OBSL1: variants seen among roughly 807,000 people sequenced by gnomAD.
OBSL1 encodes the protein obscurin like cytoskeletal adaptor 1, also known as obscurin-like protein 1.
In OBSL1, 160 loss-of-function variants were observed where a neutral mutation model predicts 172.0. That is an observed-to-expected ratio of 0.93 (90% CI 0.82 to 1.06). The LOEUF is 1.06. OBSL1 is among the 50% of genes least tolerant of loss of function. The pLI, the probability that OBSL1 is intolerant of heterozygous loss-of-function variation, is 0.00. For missense variants in OBSL1, 2,681 were observed against 2,715.4 expected (o/e 0.99, Z 0.28); for synonymous variants, 1,200 against 1,196.3 (o/e 1.00, Z -0.06).
chr2:219,549,797 T>G (rs751508877), downstream of OBSL1: 1 of 1,614,020 alleles, frequency 6.2e-7, no homozygotes, highest in Admixed American at 1.7e-5. Flanking sequence ...ATGCGGACTA[T>G]GAGTATGGGT....
chr2:219,563,074 A>C (rs977844901), intron 7 of OBSL1: 3 of 499,788 alleles, frequency 6.0e-6, no homozygotes, highest in African/African-American at 5.7e-5. Context: ...ACTCTGCCCT[A>C]CCCTGCAATA....
chr2:219,552,279 T>TGG, intron 18 of OBSL1, 63 bp from the exon 19 acceptor site: 3 of 1,458,276 alleles, frequency 2.1e-6, no homozygotes, highest in Non-Finnish European at 2.8e-6. Flanking sequence ...GGGACGAAGG[T>TGG]GGGGGCCCAG....
chr2:219,551,022 G>C, intron 20 of OBSL1, 180 bp from the exon 21 acceptor site: 2 of 1,462,712 alleles, frequency 1.4e-6, no homozygotes, highest in Non-Finnish European at 1.8e-6. Flanking sequence ...TAGGGGTGGG[G>C]CACAGCGCGG....
chr2:219,567,605 C>T (rs757170911), intron 3 of OBSL1, 30 bp from the exon 4 acceptor site: 2 of 1,598,068 alleles, frequency 1.3e-6, no homozygotes, highest in South Asian at 1.1e-5. Context: ...GTGTTCCGGC[C>T]TTGCTTGGGC....
Position 219,570,243 on chromosome 2 carries a change from A to T in OBSL1, c.990T>A (p.Ser330Arg), listed in dbSNP as rs772710513. The T allele has an allele frequency of 4.4e-6, 7 of 1,579,026 alleles. No homozygotes were observed. The East Asian group carries it at 1.3e-4, about 30-fold the overall frequency. The change falls in exon 1 of 21, where the codon AGT (serine) becomes AGA (arginine). Residue 330 changes from serine (S) to arginine (R), a missense_variant. Physicochemically the swap from Ser to Arg is moderately radical, Grantham distance 110 (BLOSUM62 -1). This residue lies in a region of OBSL1 where 706 missense variants were observed against 695.8 expected (regional missense o/e 1.01). Coordinates refer to ENST00000404537, the MANE Select transcript of OBSL1 (RefSeq NM_015311.3). ...AARNSAGQTL[S>R]AVQLHVKEPR... Reference sequence around the variant, plus strand: ...TACCTTTCACGTGCAGCTGCACGGCACTGAGCGTCTGGCCCGCCGAGTTGC... The same window carrying T: ...TACCTTTCACGTGCAGCTGCACGGCTCTGAGCGTCTGGCCCGCCGAGTTGC...
rs1416576951 is a variant in OBSL1 at position 219,570,299 on chromosome 2, T to A, written c.934A>T (p.Lys312Ter). The change falls in exon 1 of 21, where the codon AAG becomes TAG. Residue 312 changes from lysine to a stop codon, truncating the protein, a stop_gained. Coordinates refer to ENST00000404537, the MANE Select transcript of OBSL1 (RefSeq NM_015311.3). LOFTEE classifies it high-confidence loss of function. ...GCGCAGACGTAGAGCCCACGATCCT[T>A]GGCCTGGCAGTAAAGCACCTTGAGC... is the stretch of plus-strand genomic sequence containing the variant. ...FVLKVLYCQAKDRGLYVCAAR... is the reference protein window; with the variant it reads ...FVLKVLYCQA 1 of 1,610,176 alleles carries A rather than the reference T, an allele frequency of 6.2e-7. No homozygotes were observed. The highest frequency in any genetic ancestry group is 8.5e-7 in the Non-Finnish European group (1 of 1,177,622).
intron 8 of OBSL1, chr2:219,561,961 C>T (rs61732789): frequency 5.0e-5 from 36 of 717,548 alleles, no homozygotes; most frequent in East Asian, 4.6e-4. Flanking sequence ...TTCAAGAGGA[C>T]GCATAACTCC....
At chr2:219,551,459 A>G in intron 20 of OBSL1, 70 bp downstream of exon 20, 2 of 1,481,082 alleles carry the variant, frequency 1.4e-6, no homozygotes, top group African/African-American at 2.8e-5. Context: ...AGCCTCCCAT[A>G]GGTGTGGCTT....
chr2:219,571,186 C>A lies in OBSL1; in HGVS notation c.47G>T (p.Arg16Leu). 6.8e-7 allele frequency: 1 copy of A among 1,473,414 alleles called. No homozygotes were observed. The highest frequency in any genetic ancestry group is 9.0e-7 in the Non-Finnish European group (1 of 1,114,088). 91.3% of individuals were successfully genotyped at this position (1,473,414 alleles called of 1,614,324 possible). A position where few individuals can be genotyped will look rare whatever the true frequency, so the allele number is the denominator to read the frequency against. ...TACCACCCGCACAGGCCGCGGGAAG[C>A]GCAGGAAGCACGGGGGGCTCCCCTG... is the stretch of plus-strand genomic sequence containing the variant. Reference protein sequence around the residue: ...GDQGSPPCFLRFPRPVRVVSG... With the variant: ...GDQGSPPCFLLFPRPVRVVSG... Residue 16 changes from arginine (R) to leucine (L), a missense_variant, in exon 1 of 21, where the codon CGC (arginine) becomes CTC (leucine). This residue lies in a region of OBSL1 where 90 missense variants were observed against 76.6 expected (regional missense o/e 1.18). Transcript: ENST00000404537.
At chr2:219,563,669 AC>A (rs1696668459) in intron 6 of OBSL1, 42 bp from the exon 7 acceptor site, 1 of 1,585,562 alleles carries the variant, frequency 6.3e-7, no homozygotes, top group Non-Finnish European at 8.6e-7. Flanking sequence ...ACACCCCCGC[AC>A]AATGAGTCCA....
chr2:219,549,439 G>T, downstream of OBSL1: 1 of 1,480,230 alleles, frequency 6.8e-7, no homozygotes, highest in Non-Finnish European at 9.1e-7. Flanking sequence ...CCCACGGGCT[G>T]GTTGCTATCT....
chr2:219,554,111 C>G lies in OBSL1; in HGVS notation c.4876+363G>C. On this transcript the variant is annotated intron_variant, in intron 15 of 20. Transcript: ENST00000404537. ...GACTGGAGTGGTCACGGGGCCCACA[C>G]TTAGGCGGGCAGAGGGAGCCACGGC... 7.4e-6 allele frequency: 3 copies of G among 403,554 alleles called. No homozygotes were observed. The South Asian group carries it at 1.0e-4, about 14-fold the overall frequency. The allele number at this position is 403,554 out of a possible 1,614,324, so 25.0% of individuals were successfully genotyped here.
chr2:219,558,740 A>G (rs887868382), intron 9 of OBSL1, among the ~76,000 whole-genome samples: 11 of 152,130 alleles, frequency 7.2e-5, no homozygotes, highest in Non-Finnish European at 1.2e-4. Flanking sequence ...CTAAGGTCAC[A>G]CAGACAGAAA....
downstream of OBSL1, chr2:219,549,796 A>C (rs758190483): frequency 1.9e-6 from 3 of 1,614,058 alleles, no homozygotes; most frequent in South Asian, 3.3e-5. Flanking sequence ...GATGCGGACT[A>C]TGAGTATGGG....
downstream of OBSL1, chr2:219,547,838 T>C (rs757105393): frequency 1.6e-5 from 25 of 1,587,896 alleles, no homozygotes; most frequent in South Asian, 3.3e-5. Flanking sequence ...CACTCTGCGC[T>C]GGCCCCGCCC....
intron 14 of OBSL1, 83 bp from the exon 15 acceptor site, chr2:219,554,823 G>C (rs1695882543): frequency 7.0e-7 from 1 of 1,438,230 alleles, no homozygotes; most frequent in African/African-American, 1.4e-5. Context: ...CCTTGGCCCT[G>C]CCTACACCCC....
In OBSL1 at chr2:219,559,458, G is replaced by T; in HGVS notation, c.2993C>A (p.Thr998Asn). 1 of 1,613,778 alleles carries T rather than the reference G, an allele frequency of 6.2e-7. No homozygotes were observed. Among genetic ancestry groups the T allele is most frequent in the Non-Finnish European group, 8.5e-7 (1 of 1,179,820 alleles). The part of the protein sequence containing the change: ...VRIIYPRDEV[T>N]LIAVTLECVV... ...ACACTCCAAGGTCACGGCGATCAAG[G>T]TCACCTCATCGCGAGGGTATATGAT... Residue 998 changes from threonine to asparagine, a missense_variant, in exon 9 of 21, where the codon ACC becomes AAC. Thr to Asn is a moderately conservative substitution (Grantham distance 65, BLOSUM62 0). Transcript: ENST00000404537.
At chr2:219,551,451 C>G in intron 20 of OBSL1, 78 bp downstream of exon 20, 2 of 1,465,212 alleles carry the variant, frequency 1.4e-6, no homozygotes, top group East Asian at 2.5e-5. Context: ...TTCTGGAAAG[C>G]CTCCCATAGG....
intron 8 of OBSL1, chr2:219,559,709 C>A: frequency 1.8e-6 from 1 of 546,392 alleles, no homozygotes; most frequent in South Asian, 2.9e-5. Flanking sequence ...AGAAATGATG[C>A]GTTTCTCATC....
Sources: allele counts gnomAD v4.1 joint callset (sites outside exome capture counted in the v4.1 genomes callset), GRCh38; gene constraint gnomAD v4.1.1; regional missense constraint gnomAD v4.1.1; transcripts MANE v1.5; gene names NCBI Gene and HGNC (gene_info 2026-07-23, HGNC 2026-07-21).